The following ZNF142 variants were observed in gnomAD, a reference collection of about 807,000 sequenced individuals.
ZNF142 encodes zinc finger protein 142, also known as zinc finger protein 142 (clone pHZ-49).
ZNF142 carries 96 observed loss-of-function variants against 132.1 expected under a neutral mutation model. The observed-to-expected ratio is 0.73, with a 90% confidence interval of 0.62 to 0.86. The LOEUF (loss-of-function observed/expected upper bound fraction) is 0.86. Among genes scored for constraint, ZNF142 ranks in the 40% least tolerant of loss-of-function variants. The probability of loss-of-function intolerance (pLI) is 0.00; values close to 1 mark genes in which losing one functional copy is unlikely to be tolerated. For missense variants in ZNF142, 2,163 were observed against 2,336.2 expected (o/e 0.93, Z 1.53); for synonymous variants, 842 against 890.1 (o/e 0.95, Z 0.96).
intron 7 of ZNF142, among the ~76,000 whole-genome samples, chr2:218,648,182 G>A (rs1310993076): frequency 1.3e-5 from 2 of 152,240 alleles, no homozygotes; most frequent in East Asian, 3.8e-4. Flanking sequence ...CCAGGTCACT[G>A]GAGGTGATCT....
At position 218,634,617 on chromosome 2, in the gene ZNF142, C is replaced by T. The variant is rs755989985; in HGVS notation, c.*3722G>A. On this transcript the variant is annotated 3_prime_UTR_variant, in exon 11 of 11. Coordinates refer to ENST00000411696, the MANE Select transcript of ZNF142 (RefSeq NM_001379659.1). The surrounding 1 kb of genome is among the most constrained non-coding windows in gnomAD (Gnocchi z 4.0). ...CCCATCAGCCCTTTCAAAGCCCAGA[C>T]TCTCTTAATCCAGGTACAGTGGAAA... 3.1e-6 allele frequency: 5 copies of T among 1,613,756 alleles called. No homozygotes were observed. The highest frequency in any genetic ancestry group is 1.7e-5 in the Admixed American group (1 of 59,950).
intron 3 of ZNF142, among the ~76,000 whole-genome samples, chr2:218,658,078 G>A (rs1411583031): frequency 6.6e-6 from 1 of 152,094 alleles, no homozygotes; most frequent in African/African-American, 2.4e-5. Context: ...ACTGACTATG[G>A]CCTCAAACTA....
Position 218,643,375 on chromosome 2 carries a change from T to C in ZNF142, c.3741A>G (p.Glu1247=). 1 of 1,614,150 alleles carries C rather than the reference T, an allele frequency of 6.2e-7. No homozygotes were observed. Among genetic ancestry groups the C allele is most frequent in the Non-Finnish European group, 8.5e-7 (1 of 1,180,004 alleles). The change falls in exon 9 of 11, where the codon GAA becomes GAG. Residue 1247 remains glutamate (E), a synonymous_variant. Coordinates refer to ENST00000411696, the MANE Select transcript of ZNF142 (RefSeq NM_001379659.1). ...RLSSITSHVA[E]GCRGGRGGGG... is the part of the protein sequence containing the mutation. ...CCCCGCCACGTCCCCCCCTGCAGCC[T>C]TCAGCCACGTGAGAGGTAATAGAGG...
Position 218,643,203 on chromosome 2 carries a change from A to G in ZNF142, c.3913T>C (p.Ser1305Pro). The change falls in exon 9 of 11, where the codon TCC (serine) becomes CCC (proline). Residue 1305 changes from serine (S) to proline (P), a missense_variant. By Grantham distance (74) the Ser-to-Pro change is moderately conservative. This residue lies in a region of ZNF142 where 809 missense variants were observed against 801.7 expected (regional missense o/e 1.01). Transcript: ENST00000411696. The stretch of plus-strand genomic sequence containing the variant: ...CAGCTAAAGGGACATGTAGGGCAGG[A>G]GAAGCGAGCCCCCTTCTGCTTTTGA... ...LVQKQKGARF[S>P]CPTCPFSCQQ... The G allele has an allele frequency of 6.2e-7, 1 of 1,614,220 alleles. No individual in the cohort carries two copies. The highest frequency in any genetic ancestry group is 1.3e-5 in the African/African-American group (1 of 75,068).
Position 218,638,666 on chromosome 2 carries a change from C to G in ZNF142, c.5337G>C (p.Leu1779=), listed in dbSNP as rs758861181. Residue 1779 remains leucine (L), a synonymous_variant, in exon 11 of 11, where the codon CTG becomes CTC. Coordinates refer to ENST00000411696, the MANE Select transcript of ZNF142 (RefSeq NM_001379659.1). Reference sequence around the variant, plus strand: ...TGTGCTTGCGAAGGTGGGTGCGCAGCAGGAAGCGCGTCTTGAAGGCCTTGC... The same window carrying G: ...TGTGCTTGCGAAGGTGGGTGCGCAGGAGGAAGCGCGTCTTGAAGGCCTTGC... The part of the protein sequence containing the change: ...QCGKAFKTRF[L]LRTHLRKHSE... 4 of 1,614,218 alleles carry G rather than the reference C, an allele frequency of 2.5e-6. No homozygotes were observed. In the South Asian group the frequency reaches 3.3e-5, roughly 13 times the overall value.
At chr2:218,656,510 C>T in intron 3 of ZNF142, 47 bp from the exon 4 acceptor site, 1 of 1,386,212 alleles carries the variant, frequency 7.2e-7, no homozygotes, top group Non-Finnish European at 9.5e-7. Context: ...AGAGTTCTTA[C>T]TTTCTTCCTG....
rs548113968 is a variant in ZNF142 at position 218,634,144 on chromosome 2, G to T, written c.*4195C>A. 1.2e-6 allele frequency: 2 copies of T among 1,612,582 alleles called. No homozygotes were observed. The highest frequency in any genetic ancestry group is 1.7e-6 in the Non-Finnish European group (2 of 1,179,324). ...CAGCACAATACTTGGCAGTTAAGCC[G>T]TGTGTATCCCAGCGGCCTGAGGACA... On this transcript the variant is annotated 3_prime_UTR_variant, in exon 11 of 11. Transcript: ENST00000411696. The surrounding 1 kb of genome is among the most constrained non-coding windows in gnomAD (Gnocchi z 4.0).
At chr2:218,657,856 T>G (rs1440338585) in intron 3 of ZNF142, among the ~76,000 whole-genome samples, 1 of 152,246 alleles carries the variant, frequency 6.6e-6, no homozygotes, top group Non-Finnish European at 1.5e-5. Context: ...GATGTATAGC[T>G]TTTTTAGTAA....
At position 218,652,249 on chromosome 2, in the gene ZNF142, C is replaced by T. The variant is rs1175859082; in HGVS notation, c.332G>A (p.Ser111Asn). 2.2e-6 allele frequency: 1 copy of T among 456,972 alleles called. No homozygotes were observed. Among genetic ancestry groups the T allele is most frequent in the Non-Finnish European group, 4.4e-6 (1 of 227,026 alleles). 28.3% of individuals were successfully genotyped at this position (456,972 alleles called of 1,614,324 possible). The change falls in exon 5 of 11, where the codon AGC becomes AAC. Residue 111 changes from serine to asparagine, a missense_variant. Coordinates refer to ENST00000411696, the MANE Select transcript of ZNF142 (RefSeq NM_001379659.1). ...EVYFCERCEQSFAEPTLLALH... is the reference protein window; with the variant it reads ...EVYFCERCEQNFAEPTLLALH... ...GGCCAGCAGAGTGGGCTCTGCGAAG[C>T]TCTGTTCACAGCGCTCACAGAAGTA...
rs746017459 is a variant in ZNF142, at chr2:218,650,359, C to G, written c.1048G>C (p.Gly350Arg). 6.2e-7 allele frequency: 1 copy of G among 1,614,162 alleles called. No homozygotes were observed. The highest frequency in any genetic ancestry group is 8.5e-7 in the Non-Finnish European group (1 of 1,180,024). ...GCTTCAAGCCTCAGAATGTCATTAC[C>G]TTCCAGCCGCTGAGCCCCTTGGCCT... ...DKGQGAQRLEGDVVSGTESLF... is the reference protein window; with the variant it reads ...DKGQGAQRLERDVVSGTESLF... Residue 350 changes from glycine to arginine, a missense_variant and splice_region_variant, in exon 6 of 11, where the codon GGG (glycine) becomes CGG (arginine). By Grantham distance (125) the Gly-to-Arg change is moderately radical. Coordinates refer to ENST00000411696, the MANE Select transcript of ZNF142 (RefSeq NM_001379659.1).
intron 7 of ZNF142, among the ~76,000 whole-genome samples, chr2:218,647,402 A>C (rs571996163): frequency 1.1e-5 from 1 of 95,080 alleles, no homozygotes; most frequent in Non-Finnish European, 2.2e-5. Flanking sequence ...CAGCCTGAGC[A>C]ACAGAGCCAG....
rs1937738657 is a variant in ZNF142 at position 218,649,173 on chromosome 2, A to T, written c.1335T>A (p.Ile445=). The T allele has an allele frequency of 2.5e-6, 4 of 1,614,056 alleles. No homozygotes were observed. Among genetic ancestry groups the T allele is most frequent in the Admixed American group, 3.3e-5 (2 of 60,010 alleles). ...NRHMASMHED[I]SNFYSDTYAC... ...CATAGGTGTCTGAGTAGAAGTTGGA[A>T]ATATCTTCATGCATGCTGGCCATGT... is the stretch of plus-strand genomic sequence containing the variant. The change falls in exon 7 of 11, where the codon ATT becomes ATA. Residue 445 remains isoleucine (I), a synonymous_variant. Coordinates refer to ENST00000411696, the MANE Select transcript of ZNF142 (RefSeq NM_001379659.1).
chr2:218,646,165 T>G lies in ZNF142; in HGVS notation c.2051+6A>C. 6.2e-7 allele frequency: 1 copy of G among 1,612,362 alleles called. No homozygotes were observed. The highest frequency in any genetic ancestry group is 1.3e-5 in the African/African-American group (1 of 75,028). The stretch of plus-strand genomic sequence containing the variant: ...ATTGGGACGGAGGCCTATGTGTGTG[T>G]TGTACCTGAGGTCCCCTGCATGTTT... On this transcript the variant is annotated splice_donor_region_variant and intron_variant, in intron 8 of 10. Coordinates refer to ENST00000411696, the MANE Select transcript of ZNF142 (RefSeq NM_001379659.1).
Position 218,645,074 on chromosome 2 carries a change from A to C in ZNF142, c.2052-10T>G. On this transcript the variant is annotated splice_polypyrimidine_tract_variant and intron_variant, in intron 8 of 10. Coordinates refer to ENST00000411696, the MANE Select transcript of ZNF142 (RefSeq NM_001379659.1). Reference sequence around the variant, plus strand: ...CTGGTTGCACTGATACCTGGCAAGGAGGGAAAGGGGGAGGCAATCACAATA... The same window carrying C: ...CTGGTTGCACTGATACCTGGCAAGGCGGGAAAGGGGGAGGCAATCACAATA... 2 of 1,603,430 alleles carry C rather than the reference A, an allele frequency of 1.2e-6. No homozygotes were observed. The highest frequency in any genetic ancestry group is 8.5e-7 in the Non-Finnish European group (1 of 1,172,416).
At position 218,638,530 on chromosome 2, in the gene ZNF142, G is replaced by C; in HGVS notation, c.5473C>G (p.Leu1825Val). 6.2e-7 allele frequency: 1 copy of C among 1,610,348 alleles called. No homozygotes were observed. Among genetic ancestry groups the C allele is most frequent in the Non-Finnish European group, 8.5e-7 (1 of 1,177,268 alleles). The stretch of plus-strand genomic sequence containing the variant: ...TTTTGCTTGGCCTTGTAGTTGCAGA[G>C]GCGGCAAAAGAAGGGGTGGCGGTCG... ...HTDRHPFFCR[L>V]CNYKAKQKFQ... Residue 1825 changes from leucine to valine, a missense_variant, in exon 11 of 11, where the codon CTC becomes GTC. By Grantham distance (32) the Leu-to-Val change is conservative (BLOSUM62 1). Around this residue, in one of 7 missense-constraint regions of ZNF142, gnomAD observed 325 missense variants for 367.8 expected, o/e 0.88. Coordinates refer to ENST00000411696, the MANE Select transcript of ZNF142 (RefSeq NM_001379659.1).
Position 218,633,531 on chromosome 2 carries a change from G to T in ZNF142, c.*4808C>A. On this transcript the variant is annotated 3_prime_UTR_variant, in exon 11 of 11. Coordinates refer to ENST00000411696, the MANE Select transcript of ZNF142 (RefSeq NM_001379659.1). ...GGGGAGGCAGTGGGCAGAGGTTTAG[G>T]TTGGATGGCCATTATCTTCTTCTCT... 2 of 1,529,352 alleles carry T rather than the reference G, an allele frequency of 1.3e-6. No homozygotes were observed. Among genetic ancestry groups the T allele is most frequent in the Non-Finnish European group, 9.1e-7 (1 of 1,104,342 alleles). The allele number at this position is 1,529,352 out of a possible 1,614,324, so 94.7% of individuals were successfully genotyped here.
chr2:218,634,422 G>A lies in ZNF142; in HGVS notation c.*3917C>T, dbSNP rs2106167383. 3 of 1,599,094 alleles carry A rather than the reference G, an allele frequency of 1.9e-6. No homozygotes were observed. The highest frequency in any genetic ancestry group is 2.6e-6 in the Non-Finnish European group (3 of 1,172,256). On this transcript the variant is annotated 3_prime_UTR_variant, in exon 11 of 11. Transcript: ENST00000411696. The surrounding 1 kb of genome is among the most constrained non-coding windows in gnomAD (Gnocchi z 4.0). ...AAAGAGGGGCTGGAAGGCCTCCATG[G>A]TGAATCTTGCTCTTCTTTTCTCCTG...
chr2:218,653,529 C>T (rs113348736), intron 4 of ZNF142, among the ~76,000 whole-genome samples: 39 of 151,582 alleles, frequency 2.6e-4, no homozygotes, highest in Non-Finnish European at 3.8e-4. Flanking sequence ...GAGCCAAGAT[C>T]ACGCCATTGC....
At position 218,651,927 on chromosome 2, in the gene ZNF142, G is replaced by A. The variant is rs938975705; in HGVS notation, c.654C>T (p.His218=). The change falls in exon 5 of 11, where the codon CAC becomes CAT. Residue 218 remains histidine, a synonymous_variant. Coordinates refer to ENST00000411696, the MANE Select transcript of ZNF142 (RefSeq NM_001379659.1). The part of the protein sequence containing the change: ...KGLQHHLRQT[H]RAVPVPCSFR... ...AAGAACAGGGCACAGGAACTGCTCT[G>A]TGAGTCTGCCTCAGGTGGTGCTGCA... 8 of 1,234,532 alleles carry A rather than the reference G, an allele frequency of 6.5e-6. No homozygotes were observed. The highest frequency in any genetic ancestry group is 8.5e-6 in the Non-Finnish European group (8 of 938,578). The allele number at this position is 1,234,532 out of a possible 1,614,324, so 76.5% of individuals were successfully genotyped here.
Sources: gnomAD v4.1 joint callset for allele counts (sites outside exome capture counted in the v4.1 genomes callset) on GRCh38, gnomAD v4.1.1 for gene constraint, gnomAD v4.1.1 regional missense constraint, Gnocchi (gnomAD v3.1) non-coding constraint, MANE v1.5 for transcripts, NCBI Gene and HGNC (gene_info 2026-07-23, HGNC 2026-07-21) for gene names.